The following CYFIP1 variants were observed in gnomAD, a reference collection of about 807,000 sequenced individuals.
The protein encoded by CYFIP1 is cytoplasmic FMR1 interacting protein 1.
A neutral mutation model predicts 163.5 loss-of-function variants in CYFIP1; 58 were observed. The observed-to-expected ratio is 0.35, with a 90% CI of 0.29 to 0.44. The LOEUF (loss-of-function observed/expected upper bound fraction) is 0.44, where lower values mean the gene tolerates loss of function less well. Among genes scored for constraint, CYFIP1 ranks in the 20% least tolerant of loss-of-function variants. CYFIP1 has a pLI of 1.00. For synonymous variants in CYFIP1, 663 were observed against 660.7 expected, an observed-to-expected ratio of 1.00 and a Z score of -0.05; for missense variants, 1,338 against 1,653.8, an observed-to-expected ratio of 0.81 and a Z score of 3.31.
chr15:22,920,842 A>C (rs1363695976), intron 13 of CYFIP1, among the ~76,000 whole-genome samples: 2 of 152,172 alleles, frequency 1.3e-5, no homozygotes, highest in Admixed American at 1.3e-4. Flanking sequence ...TCCAATCAAC[A>C]AAAAAGAAAA....
chr15:22,928,334 C>G (rs576368336), intron 11 of CYFIP1, among the ~76,000 whole-genome samples: 77 of 152,182 alleles, frequency 5.1e-4, no homozygotes, highest in African/African-American at 1.8e-3. Flanking sequence ...AGTGAGCCGA[C>G]ACTGCGCCAC....
At chr15:22,872,309 AAG>A (rs2059457645) in intron 30 of CYFIP1, among the ~76,000 whole-genome samples, 2 of 150,234 alleles carry the variant, frequency 1.3e-5, no homozygotes, top group Non-Finnish European at 1.5e-5. Context: ...AAAAAAAAAA[AAG>A]AAAGAAAAAA....
chr15:22,888,381 A>G (rs930073078), intron 23 of CYFIP1, among the ~76,000 whole-genome samples: 3 of 152,118 alleles, frequency 2.0e-5, no homozygotes, highest in African/African-American at 7.2e-5. Flanking sequence ...CCTCTTCTTG[A>G]GTGGGTGGTG....
At chr15:22,973,474 T>C (rs1299207771) in intron 1 of CYFIP1, among the ~76,000 whole-genome samples, 1 of 152,106 alleles carries the variant, frequency 6.6e-6, no homozygotes, top group Non-Finnish European at 1.5e-5. Flanking sequence ...TATTCTGGAC[T>C]TTCCCCCTTG....
intron 1 of CYFIP1, among the ~76,000 whole-genome samples, chr15:22,975,428 C>A (rs1426590789): frequency 8.9e-6 from 1 of 112,702 alleles, no homozygotes; most frequent in South Asian, 3.1e-4. Flanking sequence ...CGAGACAGAG[C>A]GAGACTCCGT....
chr15:22,943,364 G>A lies in CYFIP1; in HGVS notation c.388-10C>T, dbSNP rs576887017. ...GCTCAATGGCATTTCTCTGTGCAGA[G>A]GAAGCAGGAGGGCAGAAAGCTGCAG... is the stretch of plus-strand genomic sequence containing the variant. On this transcript the variant is annotated splice_polypyrimidine_tract_variant and intron_variant, in intron 5 of 30. Transcript: ENST00000617928. The A allele has an allele frequency of 3.1e-6, 5 of 1,612,700 alleles. No individual in the cohort carries two copies. The African/African-American group carries it at 5.3e-5, about 17-fold the overall frequency.
chr15:22,918,021 G>A (rs916510902), intron 14 of CYFIP1, 86 bp from the exon 15 acceptor site: 1 of 1,472,948 alleles, frequency 6.8e-7, no homozygotes, highest in Non-Finnish European at 9.2e-7. Flanking sequence ...CCAACTACAA[G>A]GCTCTCAGAA....
rs79561781 is a variant in CYFIP1, at chr15:22,897,370, T to C, written c.2589-4393A>G. Among the ~76,000 whole-genome samples the C allele has an allele frequency of 9.8e-3, 1,487 of 152,120 alleles. 27 individuals are homozygous for C. Among genetic ancestry groups the C allele is most frequent in the African/African-American group, 0.034 (1,411 of 41,516 alleles). Reference sequence around the variant, plus strand: ...CTTGGGGGGCAGGCAGTTGACTTACTTGTCAATCTGCTGGATCTTGTCATG... The same window carrying C: ...CTTGGGGGGCAGGCAGTTGACTTACCTGTCAATCTGCTGGATCTTGTCATG... On this transcript the variant is annotated intron_variant, in intron 22 of 30. Transcript: ENST00000617928.
intron 21 of CYFIP1, among the ~76,000 whole-genome samples, chr15:22,906,057 C>A (rs148490551): frequency 0.011 from 1,676 of 152,182 alleles, 20 homozygotes; most frequent in Non-Finnish European, 0.017. Flanking sequence ...CTGTGCCCGG[C>A]CTTTTCTCTT....
rs1003417178 is a variant in CYFIP1 at position 22,915,192 on chromosome 15, G to A, written c.1829-310C>T. 3.4e-5 allele frequency: 8 copies of A among 237,420 alleles called. 1 individual carries two copies. The highest frequency in any genetic ancestry group is 1.8e-4 in the East Asian group (2 of 11,374). The allele number at this position is 237,420 out of a possible 1,614,324, so 14.7% of individuals were successfully genotyped here. On this transcript the variant is annotated intron_variant, in intron 16 of 30. Coordinates refer to ENST00000617928, the MANE Select transcript of CYFIP1 (RefSeq NM_014608.6). ...GTCACCCAGGCTGGAGGTGAGTGGCGCGATCATAGCTTACTGCAGCCTTCA... is the reference window on the plus strand; with the variant it reads ...GTCACCCAGGCTGGAGGTGAGTGGCACGATCATAGCTTACTGCAGCCTTCA...
At chr15:22,947,394 C>T (rs1029964903) in intron 1 of CYFIP1, 103 bp from the exon 2 acceptor site, 11 of 1,491,306 alleles carry the variant, frequency 7.4e-6, no homozygotes, top group East Asian at 2.3e-5. Flanking sequence ...CCCGCTCTCC[C>T]GAGGGCACCG....
In CYFIP1 at chr15:22,878,902, C is replaced by G. The variant is rs756685444; in HGVS notation, c.3042+1011G>C. ...CTGTAATCCCAGCACTTTGGGAGAC[C>G]AAGGCGGGTGGATCACAAAGTCAGG... is the stretch of plus-strand genomic sequence containing the variant. On this transcript the variant is annotated intron_variant, in intron 26 of 30. Transcript: ENST00000617928. 1.8e-4 allele frequency among the ~76,000 whole-genome samples: 28 copies of G among 152,068 alleles called. 1 individual carries two copies. The highest frequency in any genetic ancestry group is 4.1e-4 in the Non-Finnish European group (28 of 68,020).
chr15:22,920,841 C>T (rs1295039271), intron 13 of CYFIP1, among the ~76,000 whole-genome samples: 1 of 151,906 alleles, frequency 6.6e-6, no homozygotes, highest in Non-Finnish European at 1.5e-5. Context: ...TTCCAATCAA[C>T]AAAAAAGAAA....
At chr15:22,891,335 G>T (rs1404410747) in intron 23 of CYFIP1, among the ~76,000 whole-genome samples, 1 of 152,166 alleles carries the variant, frequency 6.6e-6, no homozygotes, top group East Asian at 1.9e-4. Flanking sequence ...TGAGGCAGGA[G>T]GATCACTTGA....
chr15:22,892,682 G>A (rs963869299), intron 23 of CYFIP1, among the ~76,000 whole-genome samples: 13 of 152,190 alleles, frequency 8.5e-5, no homozygotes, highest in Admixed American at 2.0e-4. Flanking sequence ...GCTAGTTCTA[G>A]ATAAGCACTG....
rs768200679 is a variant in CYFIP1 at position 22,943,153 on chromosome 15, T to C, written c.569+20A>G. On this transcript the variant is annotated intron_variant, in intron 6 of 30. Transcript: ENST00000617928. ...TGGGTGCTCTCGGGAGGGCCCGCAG[T>C]GCGCGAGGTGGGTGCTCACCTCTTG... 9 of 1,611,694 alleles carry C rather than the reference T, an allele frequency of 5.6e-6. No individual in the cohort carries two copies. In the South Asian group the frequency reaches 8.8e-5, roughly 16 times the overall value.
At chr15:22,963,344 G>C (rs767428649) in intron 1 of CYFIP1, among the ~76,000 whole-genome samples, 1 of 152,168 alleles carries the variant, frequency 6.6e-6, no homozygotes, top group Middle Eastern at 3.4e-3. Context: ...TACAGAATTA[G>C]ATGGGCGTGG....
rs1005164787 is a variant in CYFIP1 at position 22,975,234 on chromosome 15, C to T, written c.-7+5053G>A. ...CGTAGTTTTAACTTTTGGGAAGTCA[C>T]GTAGTTTTAACTTTTGAGAAGTCAA... On this transcript the variant is annotated intron_variant, in intron 1 of 30. Coordinates refer to ENST00000617928, the MANE Select transcript of CYFIP1 (RefSeq NM_014608.6). Among the ~76,000 whole-genome samples the T allele has an allele frequency of 4.6e-5, 7 of 151,976 alleles. No homozygotes were observed. In the South Asian group the frequency reaches 6.2e-4, roughly 14 times the overall value.
intron 25 of CYFIP1, among the ~76,000 whole-genome samples, 157 bp from the exon 26 acceptor site, chr15:22,880,200 C>T (rs1485662797): frequency 1.3e-5 from 2 of 152,204 alleles, no homozygotes; most frequent in Admixed American, 6.5e-5. Flanking sequence ...TTCCCTGCAG[C>T]GGTGGTTTAT....
Sources: gnomAD v4.1 joint callset for allele counts (sites outside exome capture counted in the v4.1 genomes callset) on GRCh38, gnomAD v4.1.1 for gene constraint, MANE v1.5 for transcripts, NCBI Gene and HGNC (gene_info 2026-07-23, HGNC 2026-07-21) for gene names.